Variants in CSRNP3 observed in about 807,000 individuals in gnomAD.
CSRNP3 encodes cysteine and serine rich nuclear protein 3, also known as cysteine/serine-rich nuclear protein 3.
A neutral mutation model predicts 48.0 loss-of-function variants in CSRNP3; 12 were observed. The observed-to-expected ratio is 0.25, with a 90% CI of 0.16 to 0.41. CSRNP3 has a LOEUF of 0.41. Among genes scored for constraint, CSRNP3 ranks in the 10% least tolerant of loss-of-function variants. The pLI is 1.00. For synonymous variants in CSRNP3, 263 were observed against 269.7 expected (o/e 0.98, Z 0.24); for missense variants, 580 against 724.4 (o/e 0.80, Z 2.29).
At position 165,684,162 on chromosome 2, in the gene CSRNP3, C is replaced by T. The variant is rs2105370799; in HGVS notation, c.*4409C>T. 6.6e-6 allele frequency: 1 copy of T among 152,208 alleles called. No individual in the cohort carries two copies. Among genetic ancestry groups the T allele is most frequent in the Middle Eastern group, 3.4e-3 (1 of 294 alleles). 9.4% of individuals were successfully genotyped at this position (152,208 alleles called of 1,614,324 possible). On this transcript the variant is annotated 3_prime_UTR_variant, in exon 7 of 7. Transcript: ENST00000651982. Reference sequence around the variant, plus strand: ...TTACTTCTATTTATAAAAAGCCTATCAAAACAGCAAAATCCTGTTGCAAAT... The same window carrying T: ...TTACTTCTATTTATAAAAAGCCTATTAAAACAGCAAAATCCTGTTGCAAAT...
chr2:165,493,489 A>G (rs1362668931), intron 1 of CSRNP3, among the ~76,000 whole-genome samples: 1 of 152,150 alleles, frequency 6.6e-6, no homozygotes, highest in Non-Finnish European at 1.5e-5. Context: ...GCTATCTTGT[A>G]GAGCCAGTTC....
intron 3 of CSRNP3, among the ~76,000 whole-genome samples, chr2:165,593,363 G>A (rs1459796904): frequency 6.6e-6 from 1 of 152,196 alleles, no homozygotes; most frequent in Non-Finnish European, 1.5e-5. Flanking sequence ...TGAGTGTGTT[G>A]CAAAATCACC....
intron 3 of CSRNP3, among the ~76,000 whole-genome samples, chr2:165,583,687 A>G (rs909239597): frequency 3.9e-5 from 6 of 152,318 alleles, no homozygotes; most frequent in East Asian, 3.9e-4. Flanking sequence ...ATCTCTTTAC[A>G]TAATGGTCTC....
intron 4 of CSRNP3, among the ~76,000 whole-genome samples, chr2:165,632,002 C>T (rs1458591978): frequency 6.6e-6 from 1 of 152,216 alleles, no homozygotes; most frequent in Non-Finnish European, 1.5e-5. Flanking sequence ...TTTAGAGCAT[C>T]AACCTAACTC....
chr2:165,679,605 G>A lies in CSRNP3; in HGVS notation c.1610G>A (p.Gly537Asp), dbSNP rs781126827. ...PQVEFHSYLKGPSQEGFVSAL... is the reference protein window; with the variant it reads ...PQVEFHSYLKDPSQEGFVSAL... Reference sequence around the variant, plus strand: ...GTGGAATTTCACTCATACTTGAAAGGCCCCTCCCAAGAAGGGTTTGTCTCT... The same window carrying A: ...GTGGAATTTCACTCATACTTGAAAGACCCCTCCCAAGAAGGGTTTGTCTCT... The change falls in exon 7 of 7, where the codon GGC becomes GAC. Residue 537 changes from glycine to aspartate, a missense_variant. This residue lies in a region of CSRNP3 where 369 missense variants were observed against 380.8 expected (regional missense o/e 0.97). Transcript: ENST00000651982. 6 of 1,614,046 alleles carry A rather than the reference G, an allele frequency of 3.7e-6. No individual in the cohort carries two copies. Among genetic ancestry groups the A allele is most frequent in the Non-Finnish European group, 5.1e-6 (6 of 1,179,980 alleles).
intron 4 of CSRNP3, among the ~76,000 whole-genome samples, chr2:165,634,339 C>T (rs1156486212): frequency 6.6e-6 from 1 of 150,768 alleles, no homozygotes; most frequent in Non-Finnish European, 1.5e-5. Flanking sequence ...AGATCCTGTC[C>T]AAAAAAAGAA....
At chr2:165,596,399 TA>T (rs1372294748) in intron 4 of CSRNP3, among the ~76,000 whole-genome samples, 1 of 152,138 alleles carries the variant, frequency 6.6e-6, no homozygotes, top group Non-Finnish European at 1.5e-5. Context: ...TATGATTCTA[TA>T]ACAAAGAATT....
At chr2:165,521,680 C>T (rs1165560160) in intron 3 of CSRNP3, among the ~76,000 whole-genome samples, 1 of 152,126 alleles carries the variant, frequency 6.6e-6, no homozygotes, top group South Asian at 2.1e-4. Context: ...TTTATCTAAT[C>T]CAAGGTTTTT....
intron 5 of CSRNP3, among the ~76,000 whole-genome samples, chr2:165,671,696 A>T (rs552679025): frequency 6.6e-5 from 10 of 152,192 alleles, no homozygotes; most frequent in Admixed American, 4.6e-4. Flanking sequence ...GATGATTAAC[A>T]TTCAGCTCTT....
At chr2:165,627,853 T>C (rs1239378451) in intron 4 of CSRNP3, among the ~76,000 whole-genome samples, 2 of 152,162 alleles carry the variant, frequency 1.3e-5, no homozygotes, top group Non-Finnish European at 2.9e-5. Flanking sequence ...TGCTCAGAGA[T>C]GTTACACATG....
chr2:165,666,950 G>GGAAGGAAGGAAGGAAAGAA (rs1687230766), intron 5 of CSRNP3, among the ~76,000 whole-genome samples: 2 of 64,720 alleles, frequency 3.1e-5, no homozygotes, highest in Admixed American at 1.9e-4. Flanking sequence ...AAGAAAGAGA[G>GGAAGGAAGGAAGGAAAGAA]AGAGGAAGGA....
At chr2:165,559,429 A>C (rs1001956648) in intron 3 of CSRNP3, among the ~76,000 whole-genome samples, 2 of 152,220 alleles carry the variant, frequency 1.3e-5, no homozygotes, top group East Asian at 1.9e-4. Context: ...GCTTTTTACT[A>C]TCTTAATTTT....
Position 165,595,125 on chromosome 2 carries a change from T to A in CSRNP3, c.60T>A (p.Ser20=). The A allele has an allele frequency of 1.2e-6, 2 of 1,613,996 alleles. No homozygotes were observed. The highest frequency in any genetic ancestry group is 1.7e-6 in the Non-Finnish European group (2 of 1,179,852). ...EEVDGSSPCS[S]VRESDDEVSS... is the part of the protein sequence containing the mutation. ...TTGACGGCTCCTCACCCTGCTCCTCTGTGAGGGAATCAGATGATGAAGTTT... is the reference window on the plus strand; with the variant it reads ...TTGACGGCTCCTCACCCTGCTCCTCAGTGAGGGAATCAGATGATGAAGTTT... The change falls in exon 4 of 7, where the codon TCT becomes TCA. Residue 20 remains serine (S), a synonymous_variant. Coordinates refer to ENST00000651982, the MANE Select transcript of CSRNP3 (RefSeq NM_001172173.2).
chr2:165,496,857 C>T (rs1408987315), intron 2 of CSRNP3, among the ~76,000 whole-genome samples: 1 of 151,988 alleles, frequency 6.6e-6, no homozygotes, highest in African/African-American at 2.4e-5. Flanking sequence ...CAAATTGGCT[C>T]TCTCCTGGAA....
chr2:165,516,052 C>T (rs766987070), intron 2 of CSRNP3, among the ~76,000 whole-genome samples: 13 of 152,158 alleles, frequency 8.5e-5, no homozygotes, highest in South Asian at 2.1e-4. Flanking sequence ...ATGATCTGCC[C>T]GCCTTGCCCT....
intron 3 of CSRNP3, among the ~76,000 whole-genome samples, chr2:165,586,058 A>G (rs1182576213): frequency 6.6e-6 from 1 of 152,188 alleles, no homozygotes; most frequent in Non-Finnish European, 1.5e-5. Context: ...CGGCCAGGAA[A>G]GAAATAACAT....
chr2:165,497,101 A>T (rs1266893619), intron 2 of CSRNP3, among the ~76,000 whole-genome samples: 1 of 151,892 alleles, frequency 6.6e-6, no homozygotes, highest in African/African-American at 2.4e-5. Context: ...TATAGTGGAG[A>T]GTGGTTTTAT....
At chr2:165,584,791 C>G (rs1455826628) in intron 3 of CSRNP3, among the ~76,000 whole-genome samples, 1 of 151,988 alleles carries the variant, frequency 6.6e-6, no homozygotes, top group Non-Finnish European at 1.5e-5. Flanking sequence ...GAGTTTAGAC[C>G]AGGGATGTCC....
At chr2:165,549,387 T>C (rs1275118901) in intron 3 of CSRNP3, among the ~76,000 whole-genome samples, 5 of 151,996 alleles carry the variant, frequency 3.3e-5, no homozygotes, top group African/African-American at 1.2e-4. Flanking sequence ...AGTTTATACC[T>C]CTAGTCAGTT....
Sources: gnomAD v4.1 joint callset for allele counts (sites outside exome capture counted in the v4.1 genomes callset) on GRCh38, gnomAD v4.1.1 for gene constraint, gnomAD v4.1.1 regional missense constraint, MANE v1.5 for transcripts, NCBI Gene and HGNC (gene_info 2026-07-23, HGNC 2026-07-21) for gene names.